The following LMX1A variants were observed in gnomAD, a reference collection of about 807,000 sequenced individuals.
LMX1A encodes LIM homeobox transcription factor 1-alpha.
Under a neutral mutation model 49.1 loss-of-function variants are expected in LMX1A, and 15 were observed. That is an observed-to-expected ratio of 0.31 (90% CI 0.20 to 0.47). The LOEUF (loss-of-function observed/expected upper bound fraction) is 0.47. Ranked by LOEUF, LMX1A falls within the 20% of genes least tolerant of loss-of-function variation. The pLI is 1.00. For missense variants in LMX1A, 372 were observed against 475.8 expected (o/e 0.78, Z 2.03); for synonymous variants, 167 against 185.7 (o/e 0.90, Z 0.82).
At chr1:165,221,922 C>CAG (rs1053202643) in intron 4 of LMX1A, among the ~76,000 whole-genome samples, 1 of 135,268 alleles carries the variant, frequency 7.4e-6, no homozygotes, top group African/African-American at 2.6e-5. Flanking sequence ...CACACACACA[C>CAG]ACACACACAC....
chr1:165,288,790 G>A (rs1013147260), intron 3 of LMX1A, among the ~76,000 whole-genome samples: 1 of 152,252 alleles, frequency 6.6e-6, no homozygotes, highest in African/African-American at 2.4e-5. Flanking sequence ...TCTCCAGATA[G>A]TTAAAATTCA....
At chr1:165,217,200 G>T (rs1419736223) in intron 4 of LMX1A, among the ~76,000 whole-genome samples, 3 of 152,172 alleles carry the variant, frequency 2.0e-5, no homozygotes, top group Non-Finnish European at 4.4e-5. Flanking sequence ...AAAGCAGAGC[G>T]ACAGAGGGAG....
At chr1:165,208,506 T>C (rs1240391166) in intron 6 of LMX1A, among the ~76,000 whole-genome samples, 1 of 152,206 alleles carries the variant, frequency 6.6e-6, no homozygotes, top group Non-Finnish European at 1.5e-5. Context: ...AGGTTGTGAT[T>C]TGGGGTAAGC....
intron 4 of LMX1A, among the ~76,000 whole-genome samples, chr1:165,245,199 G>C (rs1408564326): frequency 6.6e-6 from 1 of 152,100 alleles, no homozygotes; most frequent in African/African-American, 2.4e-5. Flanking sequence ...GATCACCCAG[G>C]TAATGAGCAC....
chr1:165,270,294 C>A (rs1653756701), intron 3 of LMX1A, among the ~76,000 whole-genome samples: 1 of 151,984 alleles, frequency 6.6e-6, no homozygotes. Context: ...CAGCTCAAGA[C>A]TCATACCCCC....
rs757842696 is a variant in LMX1A at position 165,277,873 on chromosome 1, G to C, written c.264-28233C>G. ...AATAAAGTGGAGTTCTTACCCAGGG[G>C]ACTCTATGGTTGAGCATCAGGGAAG... is the stretch of plus-strand genomic sequence containing the variant. On this transcript the variant is annotated intron_variant, in intron 3 of 8. Transcript: ENST00000342310. Among the ~76,000 whole-genome samples, 3 of 152,192 alleles carry C rather than the reference G, an allele frequency of 2.0e-5. No individual in the cohort carries two copies. The East Asian group carries it at 5.8e-4, about 29-fold the overall frequency.
At position 165,317,226 on chromosome 1, in the gene LMX1A, G is replaced by A. The variant is rs527795808; in HGVS notation, c.263+35850C>T. Among the ~76,000 whole-genome samples the A allele has an allele frequency of 5.9e-5, 9 of 151,606 alleles. No individual in the cohort carries two copies. The South Asian group carries it at 1.9e-3, about 33-fold the overall frequency. The stretch of plus-strand genomic sequence containing the variant: ...TGAAACCCCAATAGTTCCAAGTCTA[G>A]TTTATTTTTAAGCCCATAGAAATGC... On this transcript the variant is annotated intron_variant, in intron 3 of 8. Coordinates refer to ENST00000342310, the MANE Select transcript of LMX1A (RefSeq NM_177398.4).
intron 3 of LMX1A, among the ~76,000 whole-genome samples, chr1:165,279,429 T>C (rs1023514316): frequency 1.3e-5 from 2 of 151,936 alleles, no homozygotes; most frequent in East Asian, 1.9e-4. Context: ...AAATTCATTG[T>C]ATTAATTTTC....
chr1:165,215,033 G>A (rs369590196), intron 4 of LMX1A, among the ~76,000 whole-genome samples: 1 of 152,114 alleles, frequency 6.6e-6, no homozygotes, highest in South Asian at 2.1e-4. Flanking sequence ...AAAGCCATAG[G>A]CAGGCCGGGT....
rs139580641 is a variant in LMX1A at position 165,203,525 on chromosome 1, A to G, written c.*355T>C. 4.3e-4 allele frequency: 75 copies of G among 173,444 alleles called. No individual in the cohort carries two copies. In the East Asian group the frequency reaches 0.01, roughly 24 times the overall value. 10.7% of individuals were successfully genotyped at this position (173,444 alleles called of 1,614,324 possible). ...CTTCTGTCTATTGGTGTGTAGATGG[A>G]TAGACATATGCACCTCTTGACAAGA... On this transcript the variant is annotated 3_prime_UTR_variant, in exon 9 of 9. Coordinates refer to ENST00000342310, the MANE Select transcript of LMX1A (RefSeq NM_177398.4).
At chr1:165,326,379 G>T (rs969836602) in intron 3 of LMX1A, among the ~76,000 whole-genome samples, 1 of 152,188 alleles carries the variant, frequency 6.6e-6, no homozygotes, top group African/African-American at 2.4e-5. Flanking sequence ...AATATTAACC[G>T]TAACTGCTTT....
intron 4 of LMX1A, among the ~76,000 whole-genome samples, chr1:165,236,640 C>G (rs1652456690): frequency 6.6e-6 from 1 of 152,120 alleles, no homozygotes; most frequent in African/African-American, 2.4e-5. Context: ...TAACTCGAGT[C>G]TCTGTGGTTC....
chr1:165,309,068 G>A (rs776654189), intron 3 of LMX1A, among the ~76,000 whole-genome samples: 1 of 152,058 alleles, frequency 6.6e-6, no homozygotes, highest in Non-Finnish European at 1.5e-5. Flanking sequence ...TCTGTCCTGA[G>A]TCAAGACATT....
At chr1:165,333,400 C>G (rs1655807101) in intron 3 of LMX1A, among the ~76,000 whole-genome samples, 1 of 152,174 alleles carries the variant, frequency 6.6e-6, no homozygotes, top group Non-Finnish European at 1.5e-5. Flanking sequence ...CTCAGGTGAT[C>G]TGCCCACCTC....
intron 3 of LMX1A, among the ~76,000 whole-genome samples, chr1:165,348,233 G>A (rs1248315299): frequency 1.3e-5 from 2 of 152,060 alleles, no homozygotes; most frequent in African/African-American, 4.8e-5. Flanking sequence ...TAAGCCTACT[G>A]TAAAAAGGAA....
chr1:165,281,030 C>T (rs1286209954), intron 3 of LMX1A, among the ~76,000 whole-genome samples: 1 of 152,144 alleles, frequency 6.6e-6, no homozygotes, highest in African/African-American at 2.4e-5. Context: ...CACCCCAGAA[C>T]ATGGAGAAGT....
intron 3 of LMX1A, among the ~76,000 whole-genome samples, chr1:165,258,570 G>A (rs1653324927): frequency 6.6e-6 from 1 of 152,182 alleles, no homozygotes. Flanking sequence ...AGCTCCTGGG[G>A]AGCTATAAGG....
intron 3 of LMX1A, among the ~76,000 whole-genome samples, chr1:165,313,340 C>G (rs1056570841): frequency 6.6e-5 from 10 of 152,104 alleles, no homozygotes; most frequent in African/African-American, 2.4e-4. Flanking sequence ...TATCCTAAAC[C>G]CTAGATGCCC....
At chr1:165,303,205 A>G (rs1654832030) in intron 3 of LMX1A, among the ~76,000 whole-genome samples, 1 of 152,200 alleles carries the variant, frequency 6.6e-6, no homozygotes, top group African/African-American at 2.4e-5. Context: ...TTGTGTGCCA[A>G]AATTACCACA....
Sources: gnomAD v4.1 joint callset for allele counts (sites outside exome capture counted in the v4.1 genomes callset) on GRCh38, gnomAD v4.1.1 for gene constraint, MANE v1.5 for transcripts, NCBI Gene and HGNC (gene_info 2026-07-23, HGNC 2026-07-21) for gene names.